Variants in UBA3 observed in about 807,000 individuals in gnomAD.
UBA3 encodes ubiquitin like modifier activating enzyme 3.
A neutral mutation model predicts 73.5 loss-of-function variants in UBA3; 26 were observed. The ratio of observed to expected loss-of-function variants is 0.35; its 90% confidence interval spans 0.26 to 0.49. UBA3 has a LOEUF of 0.49. UBA3 is among the 20% of genes least tolerant of loss of function. UBA3 has a pLI of 0.98. For synonymous variants in UBA3, 217 were observed against 191.2 expected (o/e 1.13, Z -1.11); for missense variants, 495 against 555.6 (o/e 0.89, Z 1.10).
Position 69,057,401 on chromosome 3 carries a change from T to C in UBA3, c.911-92A>G, listed in dbSNP as rs1361246146. 5.9e-6 allele frequency: 7 copies of C among 1,183,806 alleles called. No homozygotes were observed. In the Admixed American group the frequency reaches 1.7e-4, roughly 28 times the overall value. The allele number at this position is 1,183,806 out of a possible 1,614,324, so 73.3% of individuals were successfully genotyped here. On this transcript the variant is annotated intron_variant, in intron 11 of 17. Transcript: ENST00000361055. ...GGCATGATTATTAAATACCATTTTC[T>C]AAAACTTGATTTTTCAGACTTTCAA...
Position 69,056,080 on chromosome 3 carries a change from G to T in UBA3, c.1185-17C>A. Reference sequence around the variant, plus strand: ...TTCATTTGCCTAAAGATTATGATGAGAGAGAAGTATCAAACATAATTTTTA... The same window carrying T: ...TTCATTTGCCTAAAGATTATGATGATAGAGAAGTATCAAACATAATTTTTA... On this transcript the variant is annotated splice_polypyrimidine_tract_variant and intron_variant, in intron 15 of 17. Transcript: ENST00000361055. 1 of 1,585,872 alleles carries T rather than the reference G, an allele frequency of 6.3e-7. No individual in the cohort carries two copies. The highest frequency in any genetic ancestry group is 8.5e-7 in the Non-Finnish European group (1 of 1,171,280).
chr3:69,056,325 C>A, intron 14 of UBA3, 42 bp from the exon 15 acceptor site: 2 of 1,359,266 alleles, frequency 1.5e-6, no homozygotes, highest in Non-Finnish European at 2.0e-6. Context: ...GCACATGCAC[C>A]AATATTAGTC....
intron 5 of UBA3, among the ~76,000 whole-genome samples, chr3:69,069,323 CTTTTCT>C (rs969423573): frequency 2.6e-5 from 4 of 151,956 alleles, no homozygotes; most frequent in Admixed American, 2.6e-4. Context: ...GTCAATTTTT[CTTTTCT>C]TTTTTTTTGT....
intron 5 of UBA3, among the ~76,000 whole-genome samples, chr3:69,069,765 A>G (rs2092106281): frequency 6.6e-6 from 1 of 152,232 alleles, no homozygotes; most frequent in African/African-American, 2.4e-5. Flanking sequence ...ATTGCATTCA[A>G]TGGCTCCACA....
chr3:69,065,438 T>A (rs2092062170), intron 6 of UBA3, among the ~76,000 whole-genome samples: 1 of 152,220 alleles, frequency 6.6e-6, no homozygotes, highest in South Asian at 2.1e-4. Flanking sequence ...TTTATAATTC[T>A]GTCATTTAAA....
At chr3:69,065,702 A>G (rs1242377729) in intron 6 of UBA3, among the ~76,000 whole-genome samples, 1 of 152,192 alleles carries the variant, frequency 6.6e-6, no homozygotes, top group Non-Finnish European at 1.5e-5. Context: ...TCAGCCTCCC[A>G]AAGTGCTGGA....
In UBA3 at chr3:69,056,066, A is replaced by G. The variant is rs922605377; in HGVS notation, c.1185-3T>C. Reference sequence around the variant, plus strand: ...TGATGGCTGGAGATTTCATTTGCCTAAAGATTATGATGAGAGAGAAGTATC... The same window carrying G: ...TGATGGCTGGAGATTTCATTTGCCTGAAGATTATGATGAGAGAGAAGTATC... On this transcript the variant is annotated splice_region_variant and splice_polypyrimidine_tract_variant and intron_variant, in intron 15 of 17. Coordinates refer to ENST00000361055, the MANE Select transcript of UBA3 (RefSeq NM_003968.4). 4.4e-6 allele frequency: 7 copies of G among 1,598,966 alleles called. No individual in the cohort carries two copies. The African/African-American group carries it at 8.1e-5, about 19-fold the overall frequency.
In UBA3 at chr3:69,061,891, A is replaced by G. The variant is rs747433457; in HGVS notation, c.833T>C (p.Ile278Thr). Residue 278 changes from isoleucine (I) to threonine (T), a missense_variant, in exon 11 of 18, where the codon ATA (isoleucine) becomes ACA (threonine). Ile to Thr is a moderately conservative substitution (Grantham distance 89). Coordinates refer to ENST00000361055, the MANE Select transcript of UBA3 (RefSeq NM_003968.4). Reference protein sequence around the residue: ...VPLDGDDPEHIQWIFQKSLER... With the variant: ...VPLDGDDPEHTQWIFQKSLER... ...TAGGGATTTTTGGAAAATCCATTGT[A>G]TATGTTCAGGATCATCTCCATCTAA... 1.2e-6 allele frequency: 2 copies of G among 1,611,444 alleles called. No individual in the cohort carries two copies. Among genetic ancestry groups the G allele is most frequent in the African/African-American group, 2.7e-5 (2 of 74,796 alleles).
Position 69,067,429 on chromosome 3 carries a change from T to G in UBA3, c.428+499A>C, listed in dbSNP as rs1676249032. ...CTACATAGAAATCACATCTTCTGACTTTCTATAAAATGCCAAAAGTTCTCC... is the reference window on the plus strand; with the variant it reads ...CTACATAGAAATCACATCTTCTGACGTTCTATAAAATGCCAAAAGTTCTCC... On this transcript the variant is annotated intron_variant, in intron 6 of 17. Transcript: ENST00000361055. 2.6e-5 allele frequency among the ~76,000 whole-genome samples: 4 copies of G among 152,226 alleles called. No homozygotes were observed. In the South Asian group the frequency reaches 8.3e-4, roughly 32 times the overall value.
At chr3:69,056,135 A>T (rs979122635) in intron 15 of UBA3, 48 bp downstream of exon 15, 2 of 1,560,372 alleles carry the variant, frequency 1.3e-6, no homozygotes, top group Non-Finnish European at 1.7e-6. Context: ...AGGTTTCAAA[A>T]ATCACAAAAA....
At chr3:69,071,497 G>A (rs774073258) in intron 5 of UBA3, 38 bp downstream of exon 5, 1 of 1,131,478 alleles carries the variant, frequency 8.8e-7, no homozygotes, top group Admixed American at 2.6e-5. Flanking sequence ...GATTATCAGA[G>A]CTTAAAAAAA....
chr3:69,065,870 TG>T (rs2092066439), intron 6 of UBA3, among the ~76,000 whole-genome samples: 1 of 152,230 alleles, frequency 6.6e-6, no homozygotes, highest in Non-Finnish European at 1.5e-5. Flanking sequence ...GGTCTTAGTT[TG>T]ATGTGAAACA....
chr3:69,065,994 T>C (rs2092067972), intron 6 of UBA3, among the ~76,000 whole-genome samples: 2 of 152,192 alleles, frequency 1.3e-5, no homozygotes, highest in Non-Finnish European at 2.9e-5. Flanking sequence ...GAGTTCATTA[T>C]ATACTCTAGA....
At chr3:69,065,921 T>A (rs1476054700) in intron 6 of UBA3, among the ~76,000 whole-genome samples, 1 of 152,118 alleles carries the variant, frequency 6.6e-6, no homozygotes, top group Admixed American at 6.5e-5. Flanking sequence ...TAGTAAAATA[T>A]CTCTTCCTAT....
chr3:69,073,048 C>G (rs1356914517), intron 4 of UBA3, among the ~76,000 whole-genome samples: 1 of 152,200 alleles, frequency 6.6e-6, no homozygotes, highest in African/African-American at 2.4e-5. Flanking sequence ...TCTAATTAGT[C>G]TCTCTGTTTC....
At position 69,064,086 on chromosome 3, in the gene UBA3, T is replaced by G. The variant is rs563674334; in HGVS notation, c.454A>C (p.Asn152His). 3.7e-6 allele frequency: 6 copies of G among 1,603,950 alleles called. No homozygotes were observed. The Admixed American group carries it at 1.0e-4, about 28-fold the overall frequency. Residue 152 changes from asparagine to histidine, a missense_variant, in exon 7 of 18, where the codon AAC becomes CAC. Physicochemically the swap from Asn to His is moderately conservative, Grantham distance 68 (BLOSUM62 1). Coordinates refer to ENST00000361055, the MANE Select transcript of UBA3 (RefSeq NM_003968.4). Reference sequence around the variant, plus strand: ...AACTTACGTCGATAGAAAGTGTCGTTAAAATCTTGAATCTTGTTGAAATGT... The same window carrying G: ...AACTTACGTCGATAGAAAGTGTCGTGAAAATCTTGAATCTTGTTGAAATGT... ...VPHFNKIQDF[N>H]DTFYRQFHII...
chr3:69,077,198 T>C (rs554944329), intron 3 of UBA3: 1 of 151,954 alleles, frequency 6.6e-6, no homozygotes, highest in Non-Finnish European at 1.5e-5. Flanking sequence ...AACCAAGAGT[T>C]TGCACGTTAA....
chr3:69,062,416 G>A (rs1240926344), intron 9 of UBA3, among the ~76,000 whole-genome samples: 5 of 152,138 alleles, frequency 3.3e-5, no homozygotes, highest in Non-Finnish European at 7.4e-5. Context: ...TTTAAGCTTT[G>A]TTAGACTATG....
Position 69,061,817 on chromosome 3 carries a change from G to T in UBA3, c.907C>A (p.Gln303Lys). 3 of 1,582,442 alleles carry T rather than the reference G, an allele frequency of 1.9e-6. No homozygotes were observed. Among genetic ancestry groups the T allele is most frequent in the Non-Finnish European group, 2.6e-6 (3 of 1,165,300 alleles). The stretch of plus-strand genomic sequence containing the variant: ...TCATGACAATTTGCTGACTTACCTT[G>T]AGTGAGCCTATACGTAACACCCCTA... ...NIRGVTYRLTQGVVKRIIPAV... is the reference protein window; with the variant it reads ...NIRGVTYRLTKGVVKRIIPAV... The change falls in exon 11 of 18, where the codon CAA becomes AAA. Residue 303 changes from glutamine to lysine, a missense_variant. Coordinates refer to ENST00000361055, the MANE Select transcript of UBA3 (RefSeq NM_003968.4).
Sources: allele counts gnomAD v4.1 joint callset (sites outside exome capture counted in the v4.1 genomes callset), GRCh38; gene constraint gnomAD v4.1.1; transcripts MANE v1.5; gene names NCBI Gene and HGNC (gene_info 2026-07-23, HGNC 2026-07-21).